NKAIN3: variants seen among roughly 807,000 people sequenced by gnomAD.
The protein encoded by NKAIN3 is sodium/potassium transporting ATPase interacting 3, also known as sodium/potassium-transporting ATPase subunit beta-1-interacting protein 3.
NKAIN3 carries 25 observed loss-of-function variants against 30.2 expected under a neutral mutation model. That is an observed-to-expected ratio of 0.83 (90% confidence interval 0.60 to 1.16). The LOEUF is 1.16. Ranked by LOEUF, NKAIN3 falls within the 50% of genes most tolerant of loss-of-function variation. The pLI is 0.00. For missense variants in NKAIN3, 225 were observed against 254.1 expected (o/e 0.89, Z 0.78); for synonymous variants, 91 against 89.6 (o/e 1.02, Z -0.09).
intron 3 of NKAIN3, among the ~76,000 whole-genome samples, chr8:62,614,521 C>T (rs952778623): frequency 3.3e-5 from 5 of 152,084 alleles, no homozygotes; most frequent in African/African-American, 1.2e-4. Flanking sequence ...CCTATGTTTA[C>T]TTAAGGCCCT....
Position 62,978,544 on chromosome 8 carries a change from G to A in NKAIN3, c.*13137G>A, listed in dbSNP as rs1823996608. On this transcript the variant is annotated 3_prime_UTR_variant, in exon 7 of 7. Transcript: ENST00000623646. ...GGGAAAACTGCCTACTCAAGCCTCA[G>A]TAATGGCAGATACCTCTCCCCCAAC... 1 of 152,276 alleles carries A rather than the reference G, an allele frequency of 6.6e-6. No homozygotes were observed. The highest frequency in any genetic ancestry group is 2.4e-5 in the African/African-American group (1 of 41,454). 9.4% of individuals were successfully genotyped at this position (152,276 alleles called of 1,614,324 possible).
chr8:62,520,258 A>G (rs1808115097), intron 1 of NKAIN3, among the ~76,000 whole-genome samples: 1 of 152,072 alleles, frequency 6.6e-6, no homozygotes, highest in African/African-American at 2.4e-5. Flanking sequence ...TCAACCTTTT[A>G]ATACTGTGTC....
intron 1 of NKAIN3, among the ~76,000 whole-genome samples, chr8:62,374,641 T>C (rs1352437616): frequency 6.6e-6 from 1 of 152,234 alleles, no homozygotes; most frequent in African/African-American, 2.4e-5. Flanking sequence ...AAGCTTCACA[T>C]TGTTTAACTA....
chr8:62,553,932 T>G (rs1459948186), intron 1 of NKAIN3, among the ~76,000 whole-genome samples: 3 of 152,192 alleles, frequency 2.0e-5, no homozygotes. Flanking sequence ...ATTTCTACTT[T>G]TACTTGTTCC....
At chr8:62,507,068 C>G (rs1047529066) in intron 1 of NKAIN3, among the ~76,000 whole-genome samples, 3 of 152,142 alleles carry the variant, frequency 2.0e-5, no homozygotes, top group African/African-American at 7.2e-5. Context: ...GAACATGCTG[C>G]TGTGTGATCT....
At chr8:62,864,148 G>A (rs879258470) in intron 4 of NKAIN3, 133 of 623,664 alleles carry the variant, frequency 2.1e-4, no homozygotes, top group Non-Finnish European at 3.2e-4. Flanking sequence ...GCGGAAACCA[G>A]CCGGGCTGCG....
chr8:62,770,000 A>G (rs1475479484), intron 4 of NKAIN3, among the ~76,000 whole-genome samples: 1 of 152,210 alleles, frequency 6.6e-6, no homozygotes, highest in Admixed American at 6.5e-5. Context: ...GAGTGTGAGT[A>G]GCATCTGGGA....
intron 5 of NKAIN3, among the ~76,000 whole-genome samples, chr8:62,949,200 G>A (rs1180941186): frequency 1.3e-5 from 2 of 152,200 alleles, no homozygotes; most frequent in Non-Finnish European, 2.9e-5. Context: ...ACGAGACGAA[G>A]GAGAGTCAAT....
intron 5 of NKAIN3, among the ~76,000 whole-genome samples, chr8:62,997,098 A>G (rs1259741126): frequency 6.6e-6 from 1 of 152,204 alleles, no homozygotes; most frequent in Non-Finnish European, 1.5e-5. Context: ...CTGCCTTAGC[A>G]GAGGTTCTCC....
chr8:62,402,223 T>C (rs888425158), intron 1 of NKAIN3, among the ~76,000 whole-genome samples: 3 of 152,198 alleles, frequency 2.0e-5, no homozygotes, highest in African/African-American at 4.8e-5. Flanking sequence ...TGGTGAGTAA[T>C]GTCTGGTTAC....
chr8:62,944,975 C>T (rs1823080120), intron 5 of NKAIN3, among the ~76,000 whole-genome samples: 1 of 152,114 alleles, frequency 6.6e-6, no homozygotes, highest in Non-Finnish European at 1.5e-5. Context: ...AAGAAATTTG[C>T]TATAACAATG....
chr8:62,749,826 G>C (rs1816218017), intron 4 of NKAIN3, among the ~76,000 whole-genome samples: 1 of 151,586 alleles, frequency 6.6e-6, no homozygotes, highest in South Asian at 2.1e-4. Context: ...GGGACTACAG[G>C]TGCACGCCGC....
intron 4 of NKAIN3, chr8:62,855,561 A>G (rs758348438): frequency 5.1e-6 from 8 of 1,555,002 alleles, no homozygotes; most frequent in South Asian, 2.2e-5. Context: ...AGGGAGTCCA[A>G]TCTTTTATTC....
Position 62,971,233 on chromosome 8 carries a change from A to G in NKAIN3, c.*5826A>G, listed in dbSNP as rs375433374. On this transcript the variant is annotated 3_prime_UTR_variant, in exon 7 of 7. Coordinates refer to ENST00000623646, the MANE Select transcript of NKAIN3 (RefSeq NM_001304533.3). Reference sequence around the variant, plus strand: ...AAGGATATGCCTCAGAAATACACACACTACTTCTGTTTACATCTCATTAGC... The same window carrying G: ...AAGGATATGCCTCAGAAATACACACGCTACTTCTGTTTACATCTCATTAGC... Among the ~76,000 whole-genome samples, 180 of 152,300 alleles carry G rather than the reference A, an allele frequency of 1.2e-3. No individual in the cohort carries two copies. The highest frequency in any genetic ancestry group is 2.0e-3 in the Admixed American group (31 of 15,304).
intron 4 of NKAIN3, among the ~76,000 whole-genome samples, chr8:62,817,211 T>A (rs1818712342): frequency 6.6e-6 from 1 of 152,174 alleles, no homozygotes; most frequent in Admixed American, 6.6e-5. Flanking sequence ...GAGTGCTGCA[T>A]GCCTCTAGTC....
chr8:62,798,575 C>A (rs202157950), intron 4 of NKAIN3, among the ~76,000 whole-genome samples: 65 of 120,034 alleles, frequency 5.4e-4, no homozygotes, highest in South Asian at 2.8e-3. Context: ...CCGTCCCCCC[C>A]AAAAAAAAAA....
chr8:62,886,365 ATAT>A (rs1285438443), intron 4 of NKAIN3, among the ~76,000 whole-genome samples: 1 of 151,996 alleles, frequency 6.6e-6, no homozygotes, highest in Non-Finnish European at 1.5e-5. Context: ...ATAATCAAAT[ATAT>A]TATTATTATG....
At chr8:62,822,875 A>G (rs1178289748) in intron 4 of NKAIN3, among the ~76,000 whole-genome samples, 6 of 152,174 alleles carry the variant, frequency 3.9e-5, no homozygotes, top group Admixed American at 3.9e-4. Flanking sequence ...CCTTCTACAC[A>G]CTTAGGTTAT....
intron 1 of NKAIN3, among the ~76,000 whole-genome samples, chr8:62,540,990 T>A (rs1808819053): frequency 6.6e-6 from 1 of 152,158 alleles, no homozygotes; most frequent in Non-Finnish European, 1.5e-5. Flanking sequence ...ACTAGTTTGT[T>A]CATGAGCTTC....
Sources: allele counts gnomAD v4.1 joint callset (sites outside exome capture counted in the v4.1 genomes callset), GRCh38; gene constraint gnomAD v4.1.1; transcripts MANE v1.5; gene names NCBI Gene and HGNC (gene_info 2026-07-23, HGNC 2026-07-21).